The following CDH8 variants were observed in gnomAD, a reference collection of about 807,000 sequenced individuals.
The protein encoded by CDH8 is cadherin 8.
Under a neutral mutation model 68.1 loss-of-function variants are expected in CDH8, and 17 were observed. That is an observed-to-expected ratio of 0.25 (90% CI 0.17 to 0.37). The LOEUF is 0.37. CDH8 is among the 10% of genes least tolerant of loss of function. The pLI is 1.00. For missense variants in CDH8, 763 were observed against 999.3 expected, an observed-to-expected ratio of 0.76 and a Z score of 3.19; for synonymous variants, 372 against 365.1, an observed-to-expected ratio of 1.02 and a Z score of -0.21.
chr16:61,702,896 T>C (rs1964460446), intron 10 of CDH8, among the ~76,000 whole-genome samples: 1 of 152,164 alleles, frequency 6.6e-6, no homozygotes, highest in African/African-American at 2.4e-5. Context: ...AAAATGGCAA[T>C]AATAATAGTC....
intron 10 of CDH8, among the ~76,000 whole-genome samples, chr16:61,694,122 A>T (rs910433278): frequency 6.6e-6 from 1 of 152,158 alleles, no homozygotes; most frequent in African/African-American, 2.4e-5. Context: ...GATCGATCAT[A>T]ATCTAAAATT....
intron 7 of CDH8, among the ~76,000 whole-genome samples, chr16:61,804,515 T>G (rs1961750770): frequency 6.7e-6 from 1 of 149,230 alleles, no homozygotes; most frequent in Non-Finnish European, 1.5e-5. Context: ...CTTCAAAAAC[T>G]CAATGAATCC....
intron 2 of CDH8, among the ~76,000 whole-genome samples, chr16:61,981,159 T>G (rs149960785): frequency 3.3e-5 from 5 of 152,338 alleles, no homozygotes; most frequent in Admixed American, 2.0e-4. Flanking sequence ...TCATTCCTCT[T>G]GGCAACAGAA....
rs770897340 is a variant in CDH8, at chr16:62,021,421, A to C, written c.-18T>G. Reference sequence around the variant, plus strand: ...TCTGGCATGGTCCCACCAGTTAAGCAAATCACCACGAAAATGAGACAATTA... The same window carrying C: ...TCTGGCATGGTCCCACCAGTTAAGCCAATCACCACGAAAATGAGACAATTA... On this transcript the variant is annotated 5_prime_UTR_variant, in exon 2 of 12. Coordinates refer to ENST00000577390, the MANE Select transcript of CDH8 (RefSeq NM_001796.5). 52 of 1,580,980 alleles carry C rather than the reference A, an allele frequency of 3.3e-5. No homozygotes were observed. The highest frequency in any genetic ancestry group is 4.3e-5 in the Non-Finnish European group (50 of 1,163,326).
At chr16:61,924,744 C>G (rs1964431140) in intron 2 of CDH8, among the ~76,000 whole-genome samples, 1 of 151,998 alleles carries the variant, frequency 6.6e-6, no homozygotes, top group African/African-American at 2.4e-5. Flanking sequence ...TCTTTAGTTA[C>G]TGCAATTCTA....
intron 2 of CDH8, among the ~76,000 whole-genome samples, chr16:61,992,515 A>G (rs1403765494): frequency 6.6e-6 from 1 of 151,348 alleles, no homozygotes; most frequent in Non-Finnish European, 1.5e-5. Flanking sequence ...TGGGTGCAGC[A>G]CACCAGCATG....
intron 3 of CDH8, among the ~76,000 whole-genome samples, chr16:61,871,760 TCTGA>T (rs1204339270): frequency 7.3e-6 from 1 of 137,868 alleles, no homozygotes; most frequent in Non-Finnish European, 1.5e-5. Flanking sequence ...AGAAGCTAGT[TCTGA>T]CTAACAGTAA....
chr16:61,722,381 A>C (rs2142884092), intron 9 of CDH8, among the ~76,000 whole-genome samples: 1 of 150,898 alleles, frequency 6.6e-6, no homozygotes, highest in Non-Finnish European at 1.5e-5. Context: ...TTGAATATTT[A>C]TTTCAAACCA....
At chr16:61,700,019 G>A (rs906817145) in intron 10 of CDH8, among the ~76,000 whole-genome samples, 4 of 152,110 alleles carry the variant, frequency 2.6e-5, no homozygotes, top group Admixed American at 1.3e-4. Context: ...CAAAATCAGA[G>A]TTTCTTAAAG....
intron 8 of CDH8, among the ~76,000 whole-genome samples, chr16:61,745,778 T>C (rs1960006418): frequency 1.3e-5 from 2 of 152,186 alleles, no homozygotes; most frequent in South Asian, 4.1e-4. Context: ...ATGTTAACTA[T>C]ATATATTCTT....
chr16:61,702,563 A>T (rs1201373401), intron 10 of CDH8, among the ~76,000 whole-genome samples: 1 of 152,144 alleles, frequency 6.6e-6, no homozygotes, highest in Non-Finnish European at 1.5e-5. Flanking sequence ...CTAGACCTGT[A>T]ATACCTGAAA....
At chr16:61,916,232 G>A (rs899676125) in intron 2 of CDH8, among the ~76,000 whole-genome samples, 5 of 152,220 alleles carry the variant, frequency 3.3e-5, no homozygotes, top group African/African-American at 4.8e-5. Flanking sequence ...ACATTGTGTC[G>A]GCCAGGCATT....
chr16:61,936,934 T>TA (rs1964636842), intron 2 of CDH8, among the ~76,000 whole-genome samples: 3 of 152,186 alleles, frequency 2.0e-5, no homozygotes, highest in Admixed American at 2.0e-4. Flanking sequence ...TAGATGCAAA[T>TA]AAAATCACGT....
At chr16:61,827,878 T>C (rs139582890) in intron 4 of CDH8, among the ~76,000 whole-genome samples, 16 of 151,942 alleles carry the variant, frequency 1.1e-4, no homozygotes, top group Non-Finnish European at 1.6e-4. Flanking sequence ...TAACCTACTA[T>C]TGACCACAAA....
intron 8 of CDH8, among the ~76,000 whole-genome samples, chr16:61,764,032 AATG>A (rs1960531121): frequency 6.6e-6 from 1 of 152,166 alleles, no homozygotes; most frequent in African/African-American, 2.4e-5. Context: ...ATATGAATCG[AATG>A]AATTAATATG....
chr16:61,698,888 T>C (rs1964374015), intron 10 of CDH8, among the ~76,000 whole-genome samples: 1 of 151,500 alleles, frequency 6.6e-6, no homozygotes, highest in Non-Finnish European at 1.5e-5. Flanking sequence ...AGAAGGAGAG[T>C]TGAAGTGGGA....
Position 61,932,218 on chromosome 16 carries a change from A to AAAAAAG in CDH8, c.253-30746_253-30745insCTTTTT, listed in dbSNP as rs577005665. Among the ~76,000 whole-genome samples the AAAAAAG allele has an allele frequency of 2.9e-3, 430 of 146,882 alleles. 1 individual carries two copies. The highest frequency in any genetic ancestry group is 8.0e-3 in the East Asian group (39 of 4,850). ...GCAAAACTCCGTCTCAAAAAAAAAA[A>AAAAAAG]AAAAGAAAAGAAAAGAAAAAGCACA... On this transcript the variant is annotated intron_variant, in intron 2 of 11. Coordinates refer to ENST00000577390, the MANE Select transcript of CDH8 (RefSeq NM_001796.5).
At chr16:61,735,769 T>A (rs1242354633) in intron 8 of CDH8, among the ~76,000 whole-genome samples, 1 of 151,976 alleles carries the variant, frequency 6.6e-6, no homozygotes, top group Non-Finnish European at 1.5e-5. Context: ...GAAAAGTACT[T>A]TACTTTAGGT....
At chr16:61,871,163 C>CA (rs950266961) in intron 3 of CDH8, among the ~76,000 whole-genome samples, 21 of 151,970 alleles carry the variant, frequency 1.4e-4, no homozygotes, top group African/African-American at 4.6e-4. Flanking sequence ...CACACATACA[C>CA]ACACACTTAT....
Sources: gnomAD v4.1 joint callset for allele counts (sites outside exome capture counted in the v4.1 genomes callset) on GRCh38, gnomAD v4.1.1 for gene constraint, MANE v1.5 for transcripts, NCBI Gene and HGNC (gene_info 2026-07-23, HGNC 2026-07-21) for gene names.